Variants in PID1 observed in about 807,000 individuals in gnomAD.
PID1 encodes phosphotyrosine interaction domain containing 1.
Under a neutral mutation model 19.1 loss-of-function variants are expected in PID1, and 10 were observed. That is an observed-to-expected ratio of 0.52 (90% CI 0.32 to 0.89). The LOEUF is 0.89. PID1 is among the 40% of genes least tolerant of loss of function. The pLI, the probability that PID1 is intolerant of heterozygous loss-of-function variation, is 0.03. For synonymous variants in PID1, 130 were observed against 116.0 expected (o/e 1.12, Z -0.78); for missense variants, 248 against 285.3 (o/e 0.87, Z 0.94).
At chr2:229,135,665 T>C (rs1689844574) in intron 2 of PID1, among the ~76,000 whole-genome samples, 1 of 152,172 alleles carries the variant, frequency 6.6e-6, no homozygotes, top group Non-Finnish European at 1.5e-5. Flanking sequence ...TACATCCAGT[T>C]ATCCAAAACA....
chr2:229,139,115 GAGAA>G (rs796148800), intron 2 of PID1, among the ~76,000 whole-genome samples: 697 of 48,024 alleles, frequency 0.015, 53 homozygotes, highest in Middle Eastern at 0.025. Flanking sequence ...AAGAAAGAAA[GAGAA>G]AGAAAGAAAG....
At chr2:229,201,334 T>C (rs1019839291) in intron 1 of PID1, among the ~76,000 whole-genome samples, 2 of 152,096 alleles carry the variant, frequency 1.3e-5, no homozygotes, top group African/African-American at 4.8e-5. Flanking sequence ...ATCTTTAGGC[T>C]TTTGACCACT....
intron 2 of PID1, among the ~76,000 whole-genome samples, chr2:229,084,957 C>T (rs745531641): frequency 3.3e-4 from 49 of 149,652 alleles, no homozygotes; most frequent in Admixed American, 1.5e-3. Flanking sequence ...AGTAGAAAAT[C>T]GAGTCACCTC....
intron 2 of PID1, among the ~76,000 whole-genome samples, chr2:229,070,657 G>A (rs1376898424): frequency 6.6e-6 from 1 of 152,104 alleles, no homozygotes; most frequent in African/African-American, 2.4e-5. Context: ...AAATGTTTAC[G>A]ATTCACATAA....
intron 1 of PID1, among the ~76,000 whole-genome samples, chr2:229,232,950 T>C (rs569133046): frequency 6.6e-6 from 1 of 152,086 alleles, no homozygotes; most frequent in East Asian, 1.9e-4. Context: ...CTGGAGGATG[T>C]GTTTCTCAAG....
intron 1 of PID1, among the ~76,000 whole-genome samples, chr2:229,249,610 A>G (rs1690098005): frequency 6.6e-6 from 1 of 152,208 alleles, no homozygotes; most frequent in African/African-American, 2.4e-5. Flanking sequence ...ACATAATTCC[A>G]ATAAAAAGAA....
At chr2:229,137,861 C>T (rs1689887848) in intron 2 of PID1, among the ~76,000 whole-genome samples, 1 of 152,250 alleles carries the variant, frequency 6.6e-6, no homozygotes, top group Non-Finnish European at 1.5e-5. Context: ...AATGAACTCC[C>T]CATTGTTCTG....
intron 1 of PID1, among the ~76,000 whole-genome samples, chr2:229,267,905 A>G (rs954144782): frequency 1.3e-5 from 2 of 152,128 alleles, no homozygotes; most frequent in African/African-American, 2.4e-5. Context: ...TTAAAAATGT[A>G]TAACACTCCT....
In PID1 at chr2:229,025,324, G is replaced by A. The variant is rs1693388489; in HGVS notation, c.*308C>T. On this transcript the variant is annotated 3_prime_UTR_variant, in exon 3 of 3. Coordinates refer to ENST00000392055, the MANE Select transcript of PID1 (RefSeq NM_001100818.2). ...AGCTGCAGAGTATTTGCCTGAGCGT[G>A]GTGAAAACTGGCATGGAGCTCTCCC... 2.9e-6 allele frequency: 1 copy of A among 344,162 alleles called. No individual in the cohort carries two copies. The highest frequency in any genetic ancestry group is 5.4e-6 in the Non-Finnish European group (1 of 183,856). The allele number at this position is 344,162 out of a possible 1,614,324, so 21.3% of individuals were successfully genotyped here. A position where few individuals can be genotyped will look rare whatever the true frequency, so the allele number is the denominator to read the frequency against.
chr2:229,054,496 T>G (rs550031442), intron 2 of PID1, among the ~76,000 whole-genome samples: 1 of 152,276 alleles, frequency 6.6e-6, no homozygotes, highest in South Asian at 2.1e-4. Context: ...GCAGTGTTTA[T>G]ACAAGTTTAT....
intron 2 of PID1, among the ~76,000 whole-genome samples, chr2:229,085,422 T>G (rs1694745553): frequency 6.6e-6 from 1 of 152,146 alleles, no homozygotes; most frequent in South Asian, 2.1e-4. Context: ...CCTTTGCATT[T>G]TACCATCAAT....
intron 2 of PID1, among the ~76,000 whole-genome samples, chr2:229,084,097 T>C (rs745479102): frequency 6.6e-6 from 1 of 152,210 alleles, no homozygotes; most frequent in African/African-American, 2.4e-5. Context: ...AGTTACATTC[T>C]GCTGGCTGAC....
chr2:229,266,540 C>T (rs1690596065), intron 1 of PID1, among the ~76,000 whole-genome samples: 1 of 152,198 alleles, frequency 6.6e-6, no homozygotes. Context: ...ATTGCTCTAA[C>T]TGTATTTATT....
At chr2:229,129,961 G>A (rs1358613865) in intron 2 of PID1, among the ~76,000 whole-genome samples, 6 of 152,164 alleles carry the variant, frequency 3.9e-5, no homozygotes, top group Non-Finnish European at 7.3e-5. Context: ...TAGCAAAGAA[G>A]CTATGACCAG....
At chr2:229,193,470 C>T (rs1190266507) in intron 1 of PID1, among the ~76,000 whole-genome samples, 1 of 152,136 alleles carries the variant, frequency 6.6e-6, no homozygotes, top group Non-Finnish European at 1.5e-5. Context: ...AAAGCCAACC[C>T]AAATTCAAGA....
intron 1 of PID1, among the ~76,000 whole-genome samples, chr2:229,162,056 A>G (rs1375349677): frequency 1.3e-5 from 2 of 152,262 alleles, no homozygotes; most frequent in Non-Finnish European, 1.5e-5. Context: ...CCAAAGGTGC[A>G]CAGAGATCCA....
At chr2:229,228,230 T>C (rs1319236283) in intron 1 of PID1, among the ~76,000 whole-genome samples, 1 of 152,180 alleles carries the variant, frequency 6.6e-6, no homozygotes, top group Non-Finnish European at 1.5e-5. Flanking sequence ...TGTCCCTACT[T>C]GTTCATATGA....
chr2:229,072,390 C>T (rs1694473849), intron 2 of PID1, among the ~76,000 whole-genome samples: 1 of 152,014 alleles, frequency 6.6e-6, no homozygotes, highest in Non-Finnish European at 1.5e-5. Flanking sequence ...CGTTCAAGAC[C>T]AGCCTGTCCA....
At chr2:229,107,473 A>G (rs568099102) in intron 2 of PID1, among the ~76,000 whole-genome samples, 97 of 148,630 alleles carry the variant, frequency 6.5e-4, no homozygotes, top group African/African-American at 2.1e-3. Flanking sequence ...GAACAGTGAG[A>G]TGTGTCTCCT....
Sources: gnomAD v4.1 joint callset for allele counts (sites outside exome capture counted in the v4.1 genomes callset) on GRCh38, gnomAD v4.1.1 for gene constraint, MANE v1.5 for transcripts, NCBI Gene and HGNC (gene_info 2026-07-23, HGNC 2026-07-21) for gene names.